Variants in AHDC1 observed in about 807,000 individuals in gnomAD.
AHDC1 encodes transcription factor Gibbin.
In AHDC1, 7 loss-of-function variants were observed where a neutral mutation model predicts 87.9. The ratio of observed to expected loss-of-function variants is 0.08; its 90% CI spans 0.05 to 0.15. The LOEUF (loss-of-function observed/expected upper bound fraction) is 0.15. Ranked by LOEUF, AHDC1 falls within the 10% of genes least tolerant of loss-of-function variation. The probability of loss-of-function intolerance (pLI) is 1.00; values close to 1 mark genes in which losing one functional copy is unlikely to be tolerated. For missense variants in AHDC1, 1,841 were observed against 2,253.2 expected, an observed-to-expected ratio of 0.82 and a Z score of 3.70; for synonymous variants, 1,051 against 1,006.8, an observed-to-expected ratio of 1.04 and a Z score of -0.83.
rs747816223 is a variant in AHDC1 at position 27,549,010 on chromosome 1, A to G, written c.3106T>C (p.Ser1036Pro). The G allele has an allele frequency of 1.3e-6, 2 of 1,566,892 alleles. No individual in the cohort carries two copies. The highest frequency in any genetic ancestry group is 4.5e-5 in the East Asian group (2 of 44,274). ...GGPCLPPSKA[S>P]FFSSSEGAPF... The stretch of plus-strand genomic sequence containing the variant: ...GCCCCCTCAGAGCTGCTGAAGAAGG[A>G]GGCCTTGCTTGGTGGCAGGCAGGGG... Residue 1036 changes from serine to proline, a missense_variant, in exon 8 of 9, where the codon TCC becomes CCC. This residue lies in a region of AHDC1 where 378 missense variants were observed against 399.0 expected (regional missense o/e 0.95). Coordinates refer to ENST00000673934, the MANE Select transcript of AHDC1 (RefSeq NM_001371928.1).
chr1:27,569,458 C>G lies in AHDC1; in HGVS notation c.-628-10575G>C, dbSNP rs1329675916. Among the ~76,000 whole-genome samples, 4 of 152,164 alleles carry G rather than the reference C, an allele frequency of 2.6e-5. 1 individual carries two copies. Among genetic ancestry groups the G allele is most frequent in the African/African-American group, 9.7e-5 (4 of 41,412 alleles). On this transcript the variant is annotated intron_variant, in intron 3 of 8. Coordinates refer to ENST00000673934, the MANE Select transcript of AHDC1 (RefSeq NM_001371928.1). The stretch of plus-strand genomic sequence containing the variant: ...GCATCATCTCAGCCTCCCATCACAC[C>G]ACCTTACACCCTAGCACCCCACCAC...
Position 27,551,037 on chromosome 1 carries a change from G to C in AHDC1, c.1079C>G (p.Ala360Gly). 6.4e-7 allele frequency: 1 copy of C among 1,558,190 alleles called. No homozygotes were observed. Among genetic ancestry groups the C allele is most frequent in the Non-Finnish European group, 8.7e-7 (1 of 1,155,780 alleles). Residue 360 changes from alanine to glycine, a missense_variant, in exon 8 of 9, where the codon GCC becomes GGC. Coordinates refer to ENST00000673934, the MANE Select transcript of AHDC1 (RefSeq NM_001371928.1). ...PQQPLGHCPL[A>G]EPLRLDLCSP... ...GCACAAGTCCAGGCGCAAGGGCTCG[G>C]CCAGTGGGCAGTGCCCCAGGGGCTG...
At chr1:27,535,471 T>C (rs972399684) in intron 8 of AHDC1, among the ~76,000 whole-genome samples, 3 of 152,170 alleles carry the variant, frequency 2.0e-5, no homozygotes, top group Admixed American at 6.5e-5. Context: ...CCTCATGTCA[T>C]GATGAGTTTA....
intron 3 of AHDC1, among the ~76,000 whole-genome samples, chr1:27,592,373 C>T (rs2089249691): frequency 1.3e-5 from 2 of 152,160 alleles, no homozygotes; most frequent in Non-Finnish European, 2.9e-5. Flanking sequence ...TCACCTGCAC[C>T]ACCTGTCACC....
rs762942974 is a variant in AHDC1, at chr1:27,551,076, C to T, written c.1040G>A (p.Arg347His). 8 of 1,560,302 alleles carry T rather than the reference C, an allele frequency of 5.1e-6. No individual in the cohort carries two copies. Among genetic ancestry groups the T allele is most frequent in the South Asian group, 1.2e-5 (1 of 85,654 alleles). ...CCCCAGGGGCTGCTGGGGCTCCAGA[C>T]GGCGACCTGGGACGTCAAGCAGCTT... Reference protein sequence around the residue: ...LPKLLDVPGRRLEPQQPLGHC... With the variant: ...LPKLLDVPGRHLEPQQPLGHC... Residue 347 changes from arginine to histidine, a missense_variant, in exon 8 of 9, where the codon CGT becomes CAT. By Grantham distance (29) the Arg-to-His change is conservative. This residue lies in a region of AHDC1 where 370 missense variants were observed against 391.5 expected (regional missense o/e 0.95). Coordinates refer to ENST00000673934, the MANE Select transcript of AHDC1 (RefSeq NM_001371928.1).
rs1309512410 is a variant in AHDC1 at position 27,562,736 on chromosome 1, C to A, written c.-628-3853G>T. On this transcript the variant is annotated intron_variant, in intron 3 of 8. Transcript: ENST00000673934. The surrounding 1 kb of genome is among the most constrained non-coding windows in gnomAD (Gnocchi z 4.4). ...CTGTGGTCTGCATGGGAAGGCCCCA[C>A]CAGCTGCCAGCCCCGTATCACCAGA... Among the ~76,000 whole-genome samples the A allele has an allele frequency of 2.6e-5, 4 of 152,190 alleles. No individual in the cohort carries two copies. The highest frequency in any genetic ancestry group is 2.4e-5 in the African/African-American group (1 of 41,442).
intron 3 of AHDC1, among the ~76,000 whole-genome samples, chr1:27,578,754 T>C (rs2088827507): frequency 6.7e-6 from 1 of 150,306 alleles, no homozygotes; most frequent in African/African-American, 2.4e-5. Context: ...TGGAGTGAAA[T>C]GGCGCTATCT....
At chr1:27,577,186 G>A (rs1323474069) in intron 3 of AHDC1, among the ~76,000 whole-genome samples, 1 of 152,222 alleles carries the variant, frequency 6.6e-6, no homozygotes, top group Non-Finnish European at 1.5e-5. Context: ...GGAGGACACA[G>A]TCATCCCTCC....
Position 27,549,410 on chromosome 1 carries a change from G to T in AHDC1, c.2706C>A (p.Ser902Arg). The T allele has an allele frequency of 6.2e-7, 1 of 1,612,908 alleles. No homozygotes were observed. Among genetic ancestry groups the T allele is most frequent in the Non-Finnish European group, 8.5e-7 (1 of 1,179,848 alleles). The change falls in exon 8 of 9, where the codon AGC becomes AGA. Residue 902 changes from serine to arginine, a missense_variant. Ser to Arg is a moderately radical substitution (Grantham distance 110, BLOSUM62 -1). Coordinates refer to ENST00000673934, the MANE Select transcript of AHDC1 (RefSeq NM_001371928.1). ...GAKASPVAVG[S>R]SGAGADPSFQ... ...AGGAGGGGTCCGCCCCAGCCCCGCTGCTACCCACTGCCACTGGGCTGGCCT... is the reference window on the plus strand; with the variant it reads ...AGGAGGGGTCCGCCCCAGCCCCGCTTCTACCCACTGCCACTGGGCTGGCCT...
Position 27,550,407 on chromosome 1 carries a change from T to C in AHDC1, c.1709A>G (p.Glu570Gly). The C allele has an allele frequency of 6.2e-7, 1 of 1,611,392 alleles. No homozygotes were observed. Among genetic ancestry groups the C allele is most frequent in the Non-Finnish European group, 8.5e-7 (1 of 1,178,350 alleles). The change falls in exon 8 of 9, where the codon GAG becomes GGG. Residue 570 changes from glutamate (E) to glycine (G), a missense_variant. By Grantham distance (98) the Glu-to-Gly change is moderately conservative. This residue lies in a region of AHDC1 where 84 missense variants were observed against 111.7 expected (regional missense o/e 0.75). Transcript: ENST00000673934. Reference sequence around the variant, plus strand: ...GGTGGCCGCTGCCACAGTGGCTGCCTCGGCCGCCACCACAGCTGGCTCCTT... The same window carrying C: ...GGTGGCCGCTGCCACAGTGGCTGCCCCGGCCGCCACCACAGCTGGCTCCTT... Reference protein sequence around the residue: ...KPKEPAVVAAEAATVAAATMA... With the variant: ...KPKEPAVVAAGAATVAAATMA...
chr1:27,537,486 G>A lies in AHDC1; in HGVS notation c.*44-2570C>T, dbSNP rs189318052. Among the ~76,000 whole-genome samples, 30 of 152,294 alleles carry A rather than the reference G, an allele frequency of 2.0e-4. No homozygotes were observed. The East Asian group carries it at 2.5e-3, about 13-fold the overall frequency. ...ACCCAGCACATGCTGGGGCCAAGAC[G>A]TACGCTGACTGAGTGACAGAGCGGG... On this transcript the variant is annotated intron_variant, in intron 8 of 8. Coordinates refer to ENST00000673934, the MANE Select transcript of AHDC1 (RefSeq NM_001371928.1).
Position 27,547,312 on chromosome 1 carries a change from A to T in AHDC1, c.4804T>A (p.Ser1602Thr). ...PHPEDTFTVT[S>T]L ...CGGCACTTCAGTTGGCACTACAGGG[A>T]TGTGACGGTGAATGTGTCCTCGGGG... Residue 1602 changes from serine to threonine, a missense_variant, in exon 8 of 9, where the codon TCC (serine) becomes ACC (threonine). This residue lies in a region of AHDC1 where 505 missense variants were observed against 626.2 expected (regional missense o/e 0.81). Transcript: ENST00000673934. The surrounding 1 kb of genome is among the most constrained non-coding windows in gnomAD (Gnocchi z 4.9). 3 of 1,542,418 alleles carry T rather than the reference A, an allele frequency of 1.9e-6. No individual in the cohort carries two copies. The highest frequency in any genetic ancestry group is 2.6e-6 in the Non-Finnish European group (3 of 1,147,456).
At chr1:27,577,099 C>T (rs1342946657) in intron 3 of AHDC1, among the ~76,000 whole-genome samples, 1 of 152,188 alleles carries the variant, frequency 6.6e-6, no homozygotes, top group Non-Finnish European at 1.5e-5. Flanking sequence ...CTGTCCCTGT[C>T]CCTCACTCCC....
intron 3 of AHDC1, among the ~76,000 whole-genome samples, chr1:27,591,478 AC>A (rs2089219975): frequency 6.6e-6 from 1 of 152,084 alleles, no homozygotes; most frequent in South Asian, 2.1e-4. Context: ...CTTTCGGCTC[AC>A]CCCCCTTAGC....
At chr1:27,600,678 C>A (rs1358906550) in intron 3 of AHDC1, among the ~76,000 whole-genome samples, 1 of 152,142 alleles carries the variant, frequency 6.6e-6, no homozygotes, top group Admixed American at 6.5e-5. Context: ...CTCCCCCTAC[C>A]CAAATGTCTT....
intron 3 of AHDC1, among the ~76,000 whole-genome samples, chr1:27,589,692 G>A (rs1162830178): frequency 3.3e-5 from 5 of 152,208 alleles, no homozygotes; most frequent in African/African-American, 1.2e-4. Flanking sequence ...CCAAGGATAT[G>A]TGTGTGTCTG....
chr1:27,584,938 C>T (rs1048821481), intron 3 of AHDC1, among the ~76,000 whole-genome samples: 1 of 151,928 alleles, frequency 6.6e-6, no homozygotes, highest in Non-Finnish European at 1.5e-5. Context: ...TTTGGGAGGC[C>T]GAGGTGGGCA....
chr1:27,546,922 C>T (rs965991204), intron 8 of AHDC1, among the ~76,000 whole-genome samples: 1 of 152,190 alleles, frequency 6.6e-6, no homozygotes, highest in Non-Finnish European at 1.5e-5. Flanking sequence ...GGGAAATACT[C>T]ACTTCCTGCC....
At chr1:27,578,106 G>A (rs919107215) in intron 3 of AHDC1, among the ~76,000 whole-genome samples, 8 of 152,186 alleles carry the variant, frequency 5.3e-5, no homozygotes, top group Non-Finnish European at 1.2e-4. Flanking sequence ...CTAAATCTGT[G>A]CTGTCCAACA....
Sources: allele counts gnomAD v4.1 joint callset (sites outside exome capture counted in the v4.1 genomes callset), GRCh38; gene constraint gnomAD v4.1.1; regional missense constraint gnomAD v4.1.1; non-coding constraint Gnocchi (gnomAD v3.1); transcripts MANE v1.5; gene names NCBI Gene and HGNC (gene_info 2026-07-23, HGNC 2026-07-21).